Variants in SPMIP2 observed in about 807,000 individuals in gnomAD.
SPMIP2 encodes sperm microtubule inner protein 2, also known as protein SPMIP2.
the SPMIP2 span, among the ~76,000 whole-genome samples, chr4:158,998,081 C>G: frequency 1.3e-5 from 2 of 152,212 alleles, no homozygotes; most frequent in African/African-American, 4.8e-5. Context: ...AACCCTGTCA[C>G]TGCAGTGGAC....
At chr4:158,893,745 T>C in the SPMIP2 span, 10 of 1,504,936 alleles carry the variant, frequency 6.6e-6, no homozygotes, top group East Asian at 2.1e-4. Context: ...TATATTAGAC[T>C]TCATAGTTTA....
chr4:158,904,584 C>G, the SPMIP2 span: 1 of 1,539,456 alleles, frequency 6.5e-7, no homozygotes, highest in South Asian at 1.1e-5. Context: ...AGAAAAAAAT[C>G]AAATTCTCAA....
chr4:158,938,259 A>T, the SPMIP2 span, among the ~76,000 whole-genome samples: 2 of 152,234 alleles, frequency 1.3e-5, no homozygotes, highest in African/African-American at 2.4e-5. Flanking sequence ...TGCCATTTTT[A>T]AAAGGCAGAA....
chr4:158,897,808 AGTTT>A, the SPMIP2 span, among the ~76,000 whole-genome samples: 2 of 152,138 alleles, frequency 1.3e-5, no homozygotes, highest in Non-Finnish European at 2.9e-5. Context: ...CTCTGATGAT[AGTTT>A]ATTTTGCTGT....
the SPMIP2 span, among the ~76,000 whole-genome samples, chr4:159,024,960 T>C: frequency 7.0e-3 from 1,063 of 152,306 alleles, 10 homozygotes; most frequent in African/African-American, 0.024. Context: ...CTAAGTACTC[T>C]GTACATATTA....
At chr4:158,984,872 T>A in the SPMIP2 span, among the ~76,000 whole-genome samples, 1 of 151,148 alleles carries the variant, frequency 6.6e-6, no homozygotes, top group Non-Finnish European at 1.5e-5. Flanking sequence ...TCAACAAAAC[T>A]GATACACCGC....
the SPMIP2 span, among the ~76,000 whole-genome samples, chr4:159,061,108 T>C: frequency 2.1e-5 from 3 of 145,018 alleles, no homozygotes; most frequent in South Asian, 2.2e-4. Flanking sequence ...TATATATATA[T>C]ACATATATAT....
At chr4:159,077,440 C>T in the SPMIP2 span, among the ~76,000 whole-genome samples, 1 of 152,170 alleles carries the variant, frequency 6.6e-6, no homozygotes, top group Non-Finnish European at 1.5e-5. Context: ...GCCATCACAC[C>T]TGGCCCAGAT....
At chr4:158,903,930 C>G in the SPMIP2 span, among the ~76,000 whole-genome samples, 1 of 152,162 alleles carries the variant, frequency 6.6e-6, no homozygotes, top group Non-Finnish European at 1.5e-5. Flanking sequence ...AACCCAGTAC[C>G]TTTTAGTGTC....
the SPMIP2 span, among the ~76,000 whole-genome samples, chr4:159,068,895 G>T: frequency 2.6e-5 from 4 of 152,144 alleles, no homozygotes; most frequent in South Asian, 8.3e-4. Flanking sequence ...TTGAAGTAAA[G>T]TAGATCCTTT....
At chr4:158,969,136 T>C in the SPMIP2 span, among the ~76,000 whole-genome samples, 2 of 152,226 alleles carry the variant, frequency 1.3e-5, no homozygotes, top group Non-Finnish European at 2.9e-5. Context: ...ACATTGTTTC[T>C]GTGAGAAAAC....
the SPMIP2 span, among the ~76,000 whole-genome samples, chr4:159,034,412 A>G: frequency 2.6e-5 from 4 of 152,376 alleles, no homozygotes; most frequent in East Asian, 5.8e-4. Context: ...GATGAAAAGT[A>G]TGTTTTTTAT....
At chr4:159,017,123 G>T in the SPMIP2 span, among the ~76,000 whole-genome samples, 1 of 151,988 alleles carries the variant, frequency 6.6e-6, no homozygotes, top group African/African-American at 2.4e-5. Context: ...AGATGGGAAA[G>T]GAAAAAGGAC....
chr4:158,915,313 C>T, the SPMIP2 span: 41 of 1,613,140 alleles, frequency 2.5e-5, no homozygotes, highest in Middle Eastern at 3.3e-4. Context: ...GCAAAAGAAG[C>T]GCGACTCTGT....
chr4:159,012,824 C>T, the SPMIP2 span, among the ~76,000 whole-genome samples: 3 of 152,094 alleles, frequency 2.0e-5, no homozygotes, highest in Non-Finnish European at 2.9e-5. Context: ...CCTCCCACCT[C>T]GGCCTCCCAA....
At chr4:159,002,675 T>A in the SPMIP2 span, among the ~76,000 whole-genome samples, 1 of 152,230 alleles carries the variant, frequency 6.6e-6, no homozygotes, top group East Asian at 1.9e-4. Context: ...TTTTTGTATA[T>A]GGATATCCAG....
At chr4:159,060,275 A>C in the SPMIP2 span, among the ~76,000 whole-genome samples, 1 of 152,182 alleles carries the variant, frequency 6.6e-6, no homozygotes, top group Non-Finnish European at 1.5e-5. Context: ...TCAGAGGCCT[A>C]GTGGGGAGGG....
chr4:159,081,419 G>A, the SPMIP2 span, among the ~76,000 whole-genome samples: 208 of 152,154 alleles, frequency 1.4e-3, no homozygotes, highest in African/African-American at 4.7e-3. Flanking sequence ...GGCTGGTCAT[G>A]GTGGCTCATG....
At chr4:158,942,431 G>T in the SPMIP2 span, among the ~76,000 whole-genome samples, 100,537 of 151,994 alleles carry the variant, frequency 0.66, 33,689 homozygotes, top group East Asian at 0.9. Flanking sequence ...TTGTTAAACT[G>T]TGTTAAGTAT....
Sources: allele counts gnomAD v4.1 joint callset (sites outside exome capture counted in the v4.1 genomes callset), GRCh38; gene constraint gnomAD v4.1.1; transcripts MANE v1.5; gene names NCBI Gene and HGNC (gene_info 2026-07-23, HGNC 2026-07-21).